The following ADAMTS9 variants were observed in gnomAD, a reference collection of about 807,000 sequenced individuals.
ADAMTS9 encodes the protein ADAM metallopeptidase with thrombospondin type 1 motif 9.
ADAMTS9 carries 107 observed loss-of-function variants against 257.1 expected under a neutral mutation model. The ratio of observed to expected loss-of-function variants is 0.42; its 90% CI spans 0.36 to 0.49. ADAMTS9 has a LOEUF of 0.49. Among genes scored for constraint, ADAMTS9 ranks in the 20% least tolerant of loss-of-function variants. ADAMTS9 has a pLI of 0.03. For synonymous variants in ADAMTS9, 982 were observed against 880.9 expected (o/e 1.11, Z -2.03); for missense variants, 2,353 against 2,469.1 (o/e 0.95, Z 1.00).
At chr3:64,593,704 C>G (rs1220298620) in intron 28 of ADAMTS9, among the ~76,000 whole-genome samples, 3 of 152,180 alleles carry the variant, frequency 2.0e-5, no homozygotes, top group African/African-American at 7.2e-5. Context: ...TAAAAGGCAC[C>G]AGGTCACCTG....
chr3:64,648,446 C>T lies in ADAMTS9; in HGVS notation c.1606-402G>A, dbSNP rs1456541474. On this transcript the variant is annotated intron_variant, in intron 10 of 39. Transcript: ENST00000498707. ...AATAGACAGCATTTAAGCTTTACAA[C>T]TGCACCATACTGACATATCCTACAA... Among the ~76,000 whole-genome samples, 12 of 152,340 alleles carry T rather than the reference C, an allele frequency of 7.9e-5. No homozygotes were observed. In the East Asian group the frequency reaches 2.1e-3, roughly 27 times the overall value.
chr3:64,548,007 G>C (rs954206891), intron 31 of ADAMTS9, among the ~76,000 whole-genome samples: 3 of 152,210 alleles, frequency 2.0e-5, no homozygotes, highest in Admixed American at 1.3e-4. Flanking sequence ...GTATTCTCTA[G>C]ACTTACGGTT....
chr3:64,670,728 C>A (rs577055580), intron 3 of ADAMTS9, among the ~76,000 whole-genome samples: 1 of 152,058 alleles, frequency 6.6e-6, no homozygotes, highest in Admixed American at 6.6e-5. Flanking sequence ...GACGCTTCAC[C>A]AAAAAAGATA....
At chr3:64,526,257 G>A (rs559570212) in intron 38 of ADAMTS9, among the ~76,000 whole-genome samples, 1 of 151,842 alleles carries the variant, frequency 6.6e-6, no homozygotes, top group African/African-American at 2.4e-5. Context: ...ATTACACATT[G>A]TATACACGAA....
intron 22 of ADAMTS9, among the ~76,000 whole-genome samples, chr3:64,607,802 T>C (rs1257861137): frequency 2.0e-5 from 3 of 152,108 alleles, no homozygotes; most frequent in African/African-American, 7.2e-5. Context: ...AAGAAGCCAC[T>C]CAATTTTGGC....
chr3:64,685,762 C>G (rs1028893945), intron 2 of ADAMTS9, among the ~76,000 whole-genome samples: 1 of 152,198 alleles, frequency 6.6e-6, no homozygotes, highest in Non-Finnish European at 1.5e-5. Flanking sequence ...CCTCTCTCCA[C>G]TCCCTGGAAC....
At chr3:64,680,301 G>A (rs1701721685) in intron 3 of ADAMTS9, among the ~76,000 whole-genome samples, 1 of 152,108 alleles carries the variant, frequency 6.6e-6, no homozygotes, top group Non-Finnish European at 1.5e-5. Flanking sequence ...ATTTGGAGAA[G>A]CAATTTTAAA....
At chr3:64,632,828 CA>C (rs67246847) in intron 14 of ADAMTS9, among the ~76,000 whole-genome samples, 5,097 of 124,246 alleles carry the variant, frequency 0.041, 246 homozygotes, top group African/African-American at 0.13. Context: ...GGACCACAGG[CA>C]AAAAAAAAAA....
In ADAMTS9 at chr3:64,686,521, C is replaced by G. The variant is rs778078299; in HGVS notation, c.516+47G>C. 1 of 1,529,684 alleles carries G rather than the reference C, an allele frequency of 6.5e-7. No homozygotes were observed. Among genetic ancestry groups the G allele is most frequent in the African/African-American group, 1.4e-5 (1 of 73,064 alleles). 94.8% of individuals were successfully genotyped at this position (1,529,684 alleles called of 1,614,324 possible). A position where few individuals can be genotyped will look rare whatever the true frequency, so the allele number is the denominator to read the frequency against. On this transcript the variant is annotated intron_variant, in intron 2 of 39. Coordinates refer to ENST00000498707, the MANE Select transcript of ADAMTS9 (RefSeq NM_182920.2). The surrounding 1 kb of genome is among the most constrained non-coding windows in gnomAD (Gnocchi z 4.6). ...AGAGGACAATTAAGTCTTCTAGAAG[C>G]GGGCGAGGAGGCGGAAGGGGAGAGG...
chr3:64,672,367 T>G (rs932991360), intron 3 of ADAMTS9, among the ~76,000 whole-genome samples: 1 of 152,230 alleles, frequency 6.6e-6, no homozygotes, highest in Admixed American at 6.5e-5. Flanking sequence ...TCTGGCTGTC[T>G]TTGGATCCAG....
At chr3:64,561,805 G>A (rs2083430901) in intron 29 of ADAMTS9, 54 bp from the exon 30 acceptor site, 3 of 919,910 alleles carry the variant, frequency 3.3e-6, no homozygotes, top group Non-Finnish European at 5.0e-6. Flanking sequence ...TTTTTGGGGG[G>A]GCGGGGGGTG....
At chr3:64,517,415 GGTTTTTTTTT>G (rs1559741895) in intron 39 of ADAMTS9, among the ~76,000 whole-genome samples, 243 of 11,568 alleles carry the variant, frequency 0.021, 6 homozygotes, top group African/African-American at 0.033. Context: ...AATTAAAAAT[GGTTTTTTTTT>G]TTTTTTTTTT....
chr3:64,552,225 A>G (rs1398152578), intron 30 of ADAMTS9, among the ~76,000 whole-genome samples: 1 of 152,220 alleles, frequency 6.6e-6, no homozygotes, highest in Non-Finnish European at 1.5e-5. Flanking sequence ...TTATTCCCAT[A>G]AGCCAAGGGA....
intron 22 of ADAMTS9, among the ~76,000 whole-genome samples, chr3:64,612,634 C>G (rs535129868): frequency 6.6e-6 from 1 of 152,266 alleles, no homozygotes; most frequent in East Asian, 1.9e-4. Flanking sequence ...ACGCAAGTGA[C>G]AGCAGACAGC....
chr3:64,555,820 A>T (rs189012851), intron 30 of ADAMTS9, among the ~76,000 whole-genome samples: 11 of 152,208 alleles, frequency 7.2e-5, no homozygotes, highest in Admixed American at 2.0e-4. Flanking sequence ...ATGGGTGGAG[A>T]AGCGGGGGAG....
At chr3:64,642,034 G>C in intron 11 of ADAMTS9, 41 bp from the exon 12 acceptor site, 2 of 1,610,204 alleles carry the variant, frequency 1.2e-6, no homozygotes, top group Non-Finnish European at 1.7e-6. Flanking sequence ...ACTTGGCGCT[G>C]TGAGTTGTTA....
chr3:64,609,488 G>A (rs1559790019), intron 22 of ADAMTS9, among the ~76,000 whole-genome samples: 1 of 151,440 alleles, frequency 6.6e-6, no homozygotes, highest in Non-Finnish European at 1.5e-5. Flanking sequence ...CATCAGCAAT[G>A]AACAATCCCA....
At chr3:64,522,385 A>G (rs2082864683) in intron 38 of ADAMTS9, 125 bp from the exon 39 acceptor site, 1 of 770,354 alleles carries the variant, frequency 1.3e-6, no homozygotes, top group Non-Finnish European at 2.1e-6. Context: ...GTGAAGCCCA[A>G]CATACTCACC....
chr3:64,661,069 T>C (rs1009449256), intron 3 of ADAMTS9, among the ~76,000 whole-genome samples: 4 of 152,180 alleles, frequency 2.6e-5, no homozygotes, highest in African/African-American at 9.7e-5. Context: ...GTTTTAGACA[T>C]CCACTGGGGA....
Sources: gnomAD v4.1 joint callset for allele counts (sites outside exome capture counted in the v4.1 genomes callset) on GRCh38, gnomAD v4.1.1 for gene constraint, Gnocchi (gnomAD v3.1) non-coding constraint, MANE v1.5 for transcripts, NCBI Gene and HGNC (gene_info 2026-07-23, HGNC 2026-07-21) for gene names.